Variants in SLC29A4 observed in about 807,000 individuals in gnomAD.
SLC29A4 encodes equilibrative nucleoside transporter 4.
SLC29A4 carries 36 observed loss-of-function variants against 43.9 expected under a neutral mutation model. The ratio of observed to expected loss-of-function variants is 0.82; its 90% CI spans 0.63 to 1.08. The LOEUF is 1.08. Among genes scored for constraint, SLC29A4 ranks in the 50% least tolerant of loss-of-function variants. The pLI is 0.00. For synonymous variants in SLC29A4, 491 were observed against 338.0 expected, an observed-to-expected ratio of 1.45 and a Z score of -4.97; for missense variants, 869 against 755.3, an observed-to-expected ratio of 1.15 and a Z score of -1.77.
chr7:5,291,808 C>A lies in SLC29A4; in HGVS notation c.531C>A (p.Ala177=). The A allele has an allele frequency of 6.2e-7, 1 of 1,611,796 alleles. No homozygotes were observed. The highest frequency in any genetic ancestry group is 2.2e-5 in the East Asian group (1 of 44,884). The change falls in exon 5 of 11, where the codon GCC becomes GCA. Residue 177 remains alanine (A), a synonymous_variant. Transcript: ENST00000396872. ...ACCTGGCCGCTGTGGGCACCGTGGC[C>A]TTCGGCTGCACAGGTAGGAACCGGG... ...AINLAAVGTV[A]FGCTVQQSSF... is the part of the protein sequence containing the mutation.
At chr7:5,284,903 G>T (rs781430851) in intron 1 of SLC29A4, among the ~76,000 whole-genome samples, 1 of 152,228 alleles carries the variant, frequency 6.6e-6, no homozygotes, top group Non-Finnish European at 1.5e-5. Flanking sequence ...TTTCTGGCCA[G>T]GAGTGTTCAG....
Position 5,299,103 on chromosome 7 carries a change from A to G in SLC29A4, c.998A>G (p.Gln333Arg), listed in dbSNP as rs765408818. 1.2e-6 allele frequency: 2 copies of G among 1,610,530 alleles called. No homozygotes were observed. The highest frequency in any genetic ancestry group is 3.3e-5 in the Admixed American group (2 of 59,888). Residue 333 changes from glutamine to arginine, a missense_variant, in exon 8 of 11, where the codon CAG becomes CGG. By Grantham distance (43) the Gln-to-Arg change is conservative (BLOSUM62 1). Transcript: ENST00000396872. ...MRFDVPRPRV[Q>R]RSWPTFRALL... ...TTTGATGTGCCGCGGCCAAGGGTCC[A>G]GCGCAGCTGGCCCACCTTCAGAGGT...
chr7:5,295,869 G>A (rs1333267367), intron 6 of SLC29A4, among the ~76,000 whole-genome samples: 3 of 152,134 alleles, frequency 2.0e-5, no homozygotes, highest in African/African-American at 7.2e-5. Context: ...CTGATGTCGC[G>A]TGGTTTATGG....
intron 2 of SLC29A4, among the ~76,000 whole-genome samples, chr7:5,290,212 C>G (rs1364047913): frequency 6.6e-6 from 1 of 152,162 alleles, no homozygotes; most frequent in Non-Finnish European, 1.5e-5. Context: ...CACTACCATG[C>G]CTGGCTAATT....
chr7:5,288,280 C>T (rs1344704020), intron 2 of SLC29A4, among the ~76,000 whole-genome samples: 2 of 146,486 alleles, frequency 1.4e-5, no homozygotes. Flanking sequence ...ATGGCTCATG[C>T]GCTGACCCGT....
intron 7 of SLC29A4, among the ~76,000 whole-genome samples, chr7:5,297,599 CT>C (rs1251893201): frequency 6.6e-6 from 1 of 152,258 alleles, no homozygotes. Context: ...TTGGAGAGTC[CT>C]CCTGCAGGCT....
intron 1 of SLC29A4, among the ~76,000 whole-genome samples, chr7:5,286,009 C>G (rs192485168): frequency 7.3e-5 from 11 of 151,456 alleles, no homozygotes; most frequent in African/African-American, 2.7e-4. Flanking sequence ...GACTCTGTCT[C>G]AGAAAAAAAA....
chr7:5,290,161 C>G (rs1473400167), intron 2 of SLC29A4, among the ~76,000 whole-genome samples: 1 of 151,338 alleles, frequency 6.6e-6, no homozygotes, highest in Non-Finnish European at 1.5e-5. Context: ...TCACGCCATT[C>G]TCCTGCCTCA....
intron 5 of SLC29A4, among the ~76,000 whole-genome samples, chr7:5,292,958 C>T (rs548143837): frequency 1.3e-5 from 2 of 151,616 alleles, no homozygotes; most frequent in East Asian, 3.9e-4. Context: ...CTCAGCCTCC[C>T]AAAGTGCTGG....
intron 5 of SLC29A4, 86 bp downstream of exon 5, chr7:5,291,907 G>T (rs1011125691): frequency 3.0e-5 from 45 of 1,524,932 alleles, no homozygotes; most frequent in Non-Finnish European, 2.6e-5. Flanking sequence ...CTGGTGGCAT[G>T]TGACATGATG....
intron 5 of SLC29A4, 79 bp from the exon 6 acceptor site, chr7:5,294,781 C>CA (rs753633321): frequency 3.0e-5 from 44 of 1,455,934 alleles, no homozygotes; most frequent in Non-Finnish European, 4.1e-5. Flanking sequence ...CGTCCACCAA[C>CA]ACAGTTCTCT....
rs1248266983 is a variant in SLC29A4, at chr7:5,303,354, C to T, written c.*415C>T. The T allele has an allele frequency of 1.3e-5, 3 of 229,710 alleles. No homozygotes were observed. Among genetic ancestry groups the T allele is most frequent in the Non-Finnish European group, 2.5e-5 (3 of 117,700 alleles). 14.2% of individuals were successfully genotyped at this position (229,710 alleles called of 1,614,324 possible). On this transcript the variant is annotated 3_prime_UTR_variant, in exon 11 of 11. Transcript: ENST00000396872. Reference sequence around the variant, plus strand: ...CATCACCCACCGGCACTGATCGGGGCACCGCCTGGCCCAGCCTCCACCAGG... The same window carrying T: ...CATCACCCACCGGCACTGATCGGGGTACCGCCTGGCCCAGCCTCCACCAGG...
At position 5,303,175 on chromosome 7, in the gene SLC29A4, G is replaced by A. The variant is rs543934304; in HGVS notation, c.*236G>A. 703 of 591,976 alleles carry A rather than the reference G, an allele frequency of 1.2e-3. 6 individuals are homozygous for A. The highest frequency in any genetic ancestry group is 4.5e-4 in the Non-Finnish European group (153 of 336,306). The allele number at this position is 591,976 out of a possible 1,614,324, so 36.7% of individuals were successfully genotyped here. A position where few individuals can be genotyped will look rare whatever the true frequency, so the allele number is the denominator to read the frequency against. On this transcript the variant is annotated 3_prime_UTR_variant, in exon 11 of 11. Coordinates refer to ENST00000396872, the MANE Select transcript of SLC29A4 (RefSeq NM_153247.4). Reference sequence around the variant, plus strand: ...GGCTCTGGCCAGCACTGTGTTCTGCGTTTGGTCTCATACCTGCGTCTACCT... The same window carrying A: ...GGCTCTGGCCAGCACTGTGTTCTGCATTTGGTCTCATACCTGCGTCTACCT...
intron 5 of SLC29A4, among the ~76,000 whole-genome samples, chr7:5,294,106 GA>G (rs57652254): frequency 0.025 from 3,708 of 145,466 alleles, 152 homozygotes; most frequent in African/African-American, 0.087. Context: ...GCTCTATCTG[GA>G]AAAAAAAAAA....
chr7:5,297,990 C>T (rs975486976), intron 7 of SLC29A4, among the ~76,000 whole-genome samples: 3 of 152,190 alleles, frequency 2.0e-5, no homozygotes, highest in Non-Finnish European at 4.4e-5. Flanking sequence ...CTGCACAGCC[C>T]CCCAGGCTCA....
chr7:5,296,049 C>T (rs916723114), intron 6 of SLC29A4, among the ~76,000 whole-genome samples: 84 of 152,236 alleles, frequency 5.5e-4, no homozygotes, highest in African/African-American at 1.7e-3. Context: ...TCCCTCCCGG[C>T]CTCGTGACCC....
intron 2 of SLC29A4, among the ~76,000 whole-genome samples, chr7:5,288,911 C>G (rs1205289961): frequency 6.6e-6 from 1 of 152,102 alleles, no homozygotes; most frequent in African/African-American, 2.4e-5. Context: ...ACCAGGAGCC[C>G]CTGGTCAAGT....
chr7:5,291,369 T>C (rs959610877), intron 4 of SLC29A4, 132 bp downstream of exon 4: 10 of 904,590 alleles, frequency 1.1e-5, no homozygotes, highest in African/African-American at 1.6e-5. Flanking sequence ...AGGGCTGCCC[T>C]GAGGTCTGGT....
At chr7:5,293,290 GC>G (rs1785434981) in intron 5 of SLC29A4, among the ~76,000 whole-genome samples, 1 of 149,936 alleles carries the variant, frequency 6.7e-6, no homozygotes, top group South Asian at 2.1e-4. Flanking sequence ...TCCTGCCTCA[GC>G]CTCCCGAGTA....
Sources: allele counts gnomAD v4.1 joint callset (sites outside exome capture counted in the v4.1 genomes callset), GRCh38; gene constraint gnomAD v4.1.1; transcripts MANE v1.5; gene names NCBI Gene and HGNC (gene_info 2026-07-23, HGNC 2026-07-21).